LAS1L: variants seen among roughly 807,000 people sequenced by gnomAD.
The protein encoded by LAS1L is ribosomal biogenesis protein LAS1L.
LAS1L carries 5 observed loss-of-function variants against 57.3 expected under a neutral mutation model. That is an observed-to-expected ratio of 0.09 (90% CI 0.05 to 0.18). The LOEUF is 0.18. Among genes scored for constraint, LAS1L ranks in the 10% least tolerant of loss-of-function variants. LAS1L has a pLI of 1.00. For missense variants in LAS1L, 360 were observed against 568.3 expected, an observed-to-expected ratio of 0.63 and a Z score of 3.73; for synonymous variants, 245 against 231.7, an observed-to-expected ratio of 1.06 and a Z score of -0.52.
intron 13 of LAS1L, among the ~76,000 whole-genome samples, chrX:65,514,622 G>A (rs1487601445): frequency 9.1e-6 from 1 of 109,549 alleles, no homozygotes. Flanking sequence ...AAGCCCAGCT[G>A]TGTGTGGCTA....
At chrX:65,528,811 AAAGG>A (rs1456563187) in intron 6 of LAS1L, among the ~76,000 whole-genome samples, 3 of 112,272 alleles carry the variant, frequency 2.7e-5, no homozygotes, top group Non-Finnish European at 5.6e-5. Flanking sequence ...TAATCTGTGA[AAAGG>A]AAGGGCTGAG....
At position 65,525,067 on chromosome X, in the gene LAS1L, C is replaced by T. The variant is rs746084076; in HGVS notation, c.957-17G>A. Reference sequence around the variant, plus strand: ...ACAGCCTCCCTGGAACAAGAGGACACTAGTTTAGCAAAGTGATGCTGGCAG... The same window carrying T: ...ACAGCCTCCCTGGAACAAGAGGACATTAGTTTAGCAAAGTGATGCTGGCAG... On this transcript the variant is annotated splice_polypyrimidine_tract_variant and intron_variant, in intron 7 of 13. Coordinates refer to ENST00000374811, the MANE Select transcript of LAS1L (RefSeq NM_031206.7). The T allele has an allele frequency of 1.3e-4, 150 of 1,173,185 alleles. No individual in the cohort carries two copies. The highest frequency in any genetic ancestry group is 1.6e-4 in the Non-Finnish European group (142 of 864,418).
At chrX:65,525,338 C>G (rs966501380) in intron 7 of LAS1L, among the ~76,000 whole-genome samples, 3 of 112,017 alleles carry the variant, frequency 2.7e-5, no homozygotes, top group Non-Finnish European at 5.6e-5. Flanking sequence ...GCAGTAGTGT[C>G]TGAATACACT....
At chrX:65,526,624 T>C (rs2069158703) in intron 7 of LAS1L, among the ~76,000 whole-genome samples, 2 of 111,945 alleles carry the variant, frequency 1.8e-5, no homozygotes, top group African/African-American at 3.2e-5. Flanking sequence ...AACTTCTCTC[T>C]AGCTGAGGTT....
At position 65,529,743 on chromosome X, in the gene LAS1L, A is replaced by G. The variant is rs1237669878; in HGVS notation, c.650T>C (p.Ile217Thr). 6.6e-6 allele frequency: 8 copies of G among 1,211,617 alleles called. No homozygotes were observed. Among genetic ancestry groups the G allele is most frequent in the East Asian group, 5.9e-5 (2 of 33,821 alleles). Residue 217 changes from isoleucine to threonine, a missense_variant, in exon 5 of 14, where the codon ATT becomes ACT. Coordinates refer to ENST00000374811, the MANE Select transcript of LAS1L (RefSeq NM_031206.7). The part of the protein sequence containing the change: ...EEEDQEEDKN[I>T]VVDDITEQKP... ...CTGTTCTGTGATGTCATCAACAACA[A>G]TGTTCTTATCTTCCTCTTGATCCTC...
chrX:65,529,014 C>T (rs1449254912), intron 6 of LAS1L, among the ~76,000 whole-genome samples, 198 bp downstream of exon 6: 1 of 112,191 alleles, frequency 8.9e-6, no homozygotes, highest in East Asian at 2.8e-4. Flanking sequence ...TCCCTTCCAT[C>T]GGTGTGGAGG....
chrX:65,534,161 T>C (rs932769723), intron 1 of LAS1L, among the ~76,000 whole-genome samples: 1 of 112,002 alleles, frequency 8.9e-6, no homozygotes, highest in Admixed American at 9.4e-5. Flanking sequence ...AGGGTACTAA[T>C]CTACTCCTTA....
At chrX:65,518,869 C>T (rs909918621) in intron 11 of LAS1L, 1 of 752,665 alleles carries the variant, frequency 1.3e-6, no homozygotes, top group African/African-American at 2.3e-5. Context: ...TGAACAGATC[C>T]CTCTCTTCTC....
Position 65,518,546 on chromosome X carries a change from G to T in LAS1L, c.1449-81C>A. The T allele has an allele frequency of 2.7e-6, 3 of 1,103,525 alleles. No individual in the cohort carries two copies. The South Asian group carries it at 6.8e-5, about 25-fold the overall frequency. 90.9% of individuals were successfully genotyped at this position (1,103,525 alleles called of 1,213,427 possible). A position where few individuals can be genotyped will look rare whatever the true frequency, so the allele number is the denominator to read the frequency against. ...CCCCAACACTCCAGGGTTTGAACTT[G>T]GTCTCTGAACTTCCAGACCTGCCTC... On this transcript the variant is annotated intron_variant, in intron 11 of 13. Transcript: ENST00000374811.
chrX:65,530,820 A>C (rs1233697569), intron 4 of LAS1L, among the ~76,000 whole-genome samples: 2 of 107,121 alleles, frequency 1.9e-5, no homozygotes, highest in Admixed American at 1.0e-4. Context: ...TCTCAAAAAA[A>C]AAAAAAAAAA....
chrX:65,524,485 G>A, intron 9 of LAS1L, 79 bp downstream of exon 9: 3 of 507,048 alleles, frequency 5.9e-6, no homozygotes. Context: ...GTTAGTATCT[G>A]GCAACCAACA....
At chrX:65,522,107 C>T (rs1291469585) in intron 11 of LAS1L, 1 of 110,903 alleles carries the variant, frequency 9.0e-6, no homozygotes, top group Non-Finnish European at 1.9e-5. Flanking sequence ...GGGGTGAGGC[C>T]CCAGCGATGC....
Position 65,528,286 on chromosome X carries a change from C to G in LAS1L, c.930G>C (p.Glu310Asp), listed in dbSNP as rs751466182. 58 of 1,200,135 alleles carry G rather than the reference C, an allele frequency of 4.8e-5. No individual in the cohort carries two copies. The highest frequency in any genetic ancestry group is 6.4e-5 in the Non-Finnish European group (57 of 887,984). The change falls in exon 7 of 14, where the codon GAG becomes GAC. Residue 310 changes from glutamate to aspartate, a missense_variant. Glu to Asp is a conservative substitution (Grantham distance 45). This residue lies in a region of LAS1L where 81 missense variants were observed against 192.1 expected (regional missense o/e 0.42). Transcript: ENST00000374811. ...PSPRVECVLA[E>D]LKGVTCENRE... Reference sequence around the variant, plus strand: ...TGTTCTCGCATGTAACGCCCTTGAGCTCTGCCAGGACACATTCTACACGTG... The same window carrying G: ...TGTTCTCGCATGTAACGCCCTTGAGGTCTGCCAGGACACATTCTACACGTG...
rs1425421916 is a variant in LAS1L, at chrX:65,523,546, T to C, written c.1448+14A>G. ...GGCCTCACCCTCTTACCGGATGGAA[T>C]TCAAGAGACTTACATCCGAAGGAGT... On this transcript the variant is annotated intron_variant, in intron 11 of 13. Coordinates refer to ENST00000374811, the MANE Select transcript of LAS1L (RefSeq NM_031206.7). 1.0e-5 allele frequency: 12 copies of C among 1,161,942 alleles called. No homozygotes were observed. Among genetic ancestry groups the C allele is most frequent in the Non-Finnish European group, 1.4e-5 (12 of 870,732 alleles).
chrX:65,524,904 C>T, intron 8 of LAS1L, 61 bp downstream of exon 8: 1 of 1,021,418 alleles, frequency 9.8e-7, no homozygotes, highest in Non-Finnish European at 1.4e-6. Context: ...CCCAGCCCAC[C>T]CCAGCTGTTT....
chrX:65,520,047 G>C (rs1241516656), intron 11 of LAS1L, among the ~76,000 whole-genome samples: 1 of 111,892 alleles, frequency 8.9e-6, no homozygotes, highest in African/African-American at 3.3e-5. Context: ...CTTGATACTG[G>C]CAAAATGCCT....
Position 65,523,613 on chromosome X carries a change from C to T in LAS1L, c.1395G>A (p.Met465Ile), listed in dbSNP as rs2068971239. 8.3e-7 allele frequency: 1 copy of T among 1,200,598 alleles called. No homozygotes were observed. The highest frequency in any genetic ancestry group is 1.7e-5 in the African/African-American group (1 of 57,241). ...NCSASLDWPR[M>I]VESCLGSPCW... ...AAGGTGAGCCCAAGCAGGACTCAAC[C>T]ATCCGGGGCCAGTCAAGGGAGGCGG... Residue 465 changes from methionine to isoleucine, a missense_variant, in exon 11 of 14, where the codon ATG (methionine) becomes ATA (isoleucine). Around this residue, in one of 7 missense-constraint regions of LAS1L, gnomAD observed 81 missense variants for 192.1 expected, o/e 0.42. Coordinates refer to ENST00000374811, the MANE Select transcript of LAS1L (RefSeq NM_031206.7).
At chrX:65,527,961 C>T (rs1172304300) in intron 7 of LAS1L, among the ~76,000 whole-genome samples, 3 of 112,257 alleles carry the variant, frequency 2.7e-5, no homozygotes, top group Admixed American at 1.9e-4. Flanking sequence ...AAGGGATTTT[C>T]CTAGTTGTCA....
At chrX:65,517,250 C>CTTT (rs397895342) in intron 12 of LAS1L, among the ~76,000 whole-genome samples, 1 of 83,324 alleles carries the variant, frequency 1.2e-5, no homozygotes, top group Non-Finnish European at 2.1e-5. Flanking sequence ...TTCTTTCTTT[C>CTTT]TTTTTTTTTT....
Sources: gnomAD v4.1 joint callset for allele counts (sites outside exome capture counted in the v4.1 genomes callset) on GRCh38, gnomAD v4.1.1 for gene constraint, gnomAD v4.1.1 regional missense constraint, MANE v1.5 for transcripts, NCBI Gene and HGNC (gene_info 2026-07-23, HGNC 2026-07-21) for gene names.